Variants in PDE1A observed in about 807,000 individuals in gnomAD.
The protein encoded by PDE1A is phosphodiesterase 1A, also known as dual specificity calcium/calmodulin-dependent 3',5'-cyclic nucleotide phosphodiesterase 1A.
PDE1A carries 35 observed loss-of-function variants against 61.7 expected under a neutral mutation model. The ratio of observed to expected loss-of-function variants is 0.57; its 90% CI spans 0.43 to 0.75. The LOEUF is 0.75. Among genes scored for constraint, PDE1A ranks in the 30% least tolerant of loss-of-function variants. The pLI, the probability that PDE1A is intolerant of heterozygous loss-of-function variation, is 0.00. For missense variants in PDE1A, 597 were observed against 630.6 expected (o/e 0.95, Z 0.57); for synonymous variants, 232 against 213.2 (o/e 1.09, Z -0.77).
chr2:182,555,262 G>A, the PDE1A span, among the ~76,000 whole-genome samples: 1 of 152,170 alleles, frequency 6.6e-6, no homozygotes, highest in Non-Finnish European at 1.5e-5. Context: ...CATGCTACCT[G>A]AGTTAATTAC....
chr2:182,150,253 C>CAGAATA (rs1180565933), intron 13 of PDE1A, among the ~76,000 whole-genome samples: 2 of 151,992 alleles, frequency 1.3e-5, no homozygotes, highest in Non-Finnish European at 2.9e-5. Flanking sequence ...GTATTCTGAC[C>CAGAATA]CTCTCTATAT....
chr2:182,404,315 C>T (rs1009631116), intron 1 of PDE1A, among the ~76,000 whole-genome samples: 54 of 152,264 alleles, frequency 3.5e-4, no homozygotes, highest in African/African-American at 1.3e-3. Flanking sequence ...AGAGATGACT[C>T]ATTCTTTGGC....
chr2:182,452,980 G>A (rs533699606), intron 2 of PDE1A, among the ~76,000 whole-genome samples: 19 of 152,152 alleles, frequency 1.2e-4, no homozygotes, highest in Non-Finnish European at 2.5e-4. Context: ...TTTTGCCATG[G>A]ACAGTCCGCA....
chr2:182,505,017 T>C (rs1401005110), intron 2 of PDE1A, among the ~76,000 whole-genome samples: 1 of 152,200 alleles, frequency 6.6e-6, no homozygotes, highest in African/African-American at 2.4e-5. Context: ...TTTAGCCTGA[T>C]TGCCTCCAAA....
At chr2:182,447,442 A>C (rs1685218817) in intron 2 of PDE1A, among the ~76,000 whole-genome samples, 1 of 152,072 alleles carries the variant, frequency 6.6e-6, no homozygotes, top group African/African-American at 2.4e-5. Flanking sequence ...GTTCATGAGG[A>C]GCCCTTTTTG....
At chr2:182,242,943 G>GTGTGTGTGTTTGTGTGTT (rs71008214) in intron 2 of PDE1A, among the ~76,000 whole-genome samples, 3 of 137,386 alleles carry the variant, frequency 2.2e-5, no homozygotes, top group Admixed American at 7.3e-5. Context: ...GTATGTGTGT[G>GTGTGTGTGTTTGTGTGTT]TGTGTGTTGT....
the PDE1A span, among the ~76,000 whole-genome samples, chr2:182,599,158 C>T: frequency 6.6e-6 from 1 of 152,134 alleles, no homozygotes; most frequent in Non-Finnish European, 1.5e-5. Flanking sequence ...GAAGGCCCCC[C>T]CTACCCTCAC....
At chr2:182,456,157 ATAT>A (rs1392966525) in intron 2 of PDE1A, among the ~76,000 whole-genome samples, 2 of 152,182 alleles carry the variant, frequency 1.3e-5, no homozygotes, top group African/African-American at 4.8e-5. Context: ...GTTCTCTAAC[ATAT>A]TATACTAGTT....
chr2:182,233,503 G>A (rs1023827701), intron 4 of PDE1A, among the ~76,000 whole-genome samples: 2 of 152,042 alleles, frequency 1.3e-5, no homozygotes, highest in Admixed American at 6.6e-5. Flanking sequence ...AATCTAATAT[G>A]CAGCAGAGAA....
intron 2 of PDE1A, among the ~76,000 whole-genome samples, chr2:182,433,600 C>G (rs905896549): frequency 1.3e-5 from 2 of 151,982 alleles, no homozygotes; most frequent in Non-Finnish European, 2.9e-5. Context: ...TTTAGGTTTT[C>G]AAAACTGGCC....
chr2:182,288,589 C>T (rs767843080), intron 1 of PDE1A, among the ~76,000 whole-genome samples: 11 of 152,066 alleles, frequency 7.2e-5, no homozygotes, highest in Non-Finnish European at 1.0e-4. Flanking sequence ...TAAGAACTAC[C>T]AATAACATTA....
chr2:182,609,700 C>T, the PDE1A span, among the ~76,000 whole-genome samples: 5 of 152,230 alleles, frequency 3.3e-5, no homozygotes, highest in African/African-American at 1.2e-4. Context: ...CGCGAGGGTT[C>T]GCGGCTTCAT....
upstream of PDE1A, among the ~76,000 whole-genome samples, chr2:182,525,763 T>A (rs1690767288): frequency 6.6e-6 from 1 of 152,172 alleles, no homozygotes; most frequent in Non-Finnish European, 1.5e-5. Flanking sequence ...ATTGGCACCA[T>A]GTAACAAATG....
chr2:182,247,661 T>G (rs1037925580), intron 2 of PDE1A, among the ~76,000 whole-genome samples: 1 of 152,178 alleles, frequency 6.6e-6, no homozygotes, highest in East Asian at 1.9e-4. Flanking sequence ...AAAACTATAA[T>G]GTAATATGGA....
chr2:182,598,637 G>A, the PDE1A span, among the ~76,000 whole-genome samples: 3 of 151,752 alleles, frequency 2.0e-5, no homozygotes, highest in Admixed American at 6.6e-5. Context: ...CATTTCCCAT[G>A]TTCTATACTC....
chr2:182,449,138 C>T (rs1032295946), intron 2 of PDE1A, among the ~76,000 whole-genome samples: 4 of 150,384 alleles, frequency 2.7e-5, no homozygotes, highest in Non-Finnish European at 5.9e-5. Flanking sequence ...CTTGTCAAAC[C>T]TTGTAATAAA....
At chr2:182,534,559 T>A in the PDE1A span, among the ~76,000 whole-genome samples, 1 of 151,832 alleles carries the variant, frequency 6.6e-6, no homozygotes. Flanking sequence ...TAATGAGAAT[T>A]AATGTATTTT....
chr2:182,223,992 T>C (rs773083075), intron 6 of PDE1A, 28 bp from the exon 7 acceptor site: 1 of 1,473,772 alleles, frequency 6.8e-7, no homozygotes, highest in East Asian at 2.3e-5. Context: ...GAATCCATTA[T>C]ATTCAAGAAG....
Position 182,217,518 on chromosome 2 carries a change from A to C in PDE1A, c.776+6346T>G, listed in dbSNP as rs1303924770. ...GGGAGAAAATTTTCGCAACCTACTC[A>C]TCTGACAAAGGGCTAATATCCAGAC... On this transcript the variant is annotated intron_variant, in intron 7 of 13. Coordinates refer to ENST00000351439, the Ensembl canonical transcript of PDE1A. Among the ~76,000 whole-genome samples, 7 of 145,506 alleles carry C rather than the reference A, an allele frequency of 4.8e-5. No individual in the cohort carries two copies. In the East Asian group the frequency reaches 1.2e-3, roughly 25 times the overall value.
Sources: gnomAD v4.1 joint callset for allele counts (sites outside exome capture counted in the v4.1 genomes callset) on GRCh38, gnomAD v4.1.1 for gene constraint, MANE v1.5 for transcripts, NCBI Gene and HGNC (gene_info 2026-07-23, HGNC 2026-07-21) for gene names.